CAMK4: variants seen among roughly 807,000 people sequenced by gnomAD.
CAMK4 encodes the protein calcium/calmodulin-dependent protein kinase type IV.
A neutral mutation model predicts 44.9 loss-of-function variants in CAMK4; 22 were observed. That is an observed-to-expected ratio of 0.49 (90% CI 0.35 to 0.70). CAMK4 has a LOEUF of 0.70. Ranked by LOEUF, CAMK4 falls within the 30% of genes least tolerant of loss-of-function variation. CAMK4 has a pLI of 0.01. For synonymous variants in CAMK4, 218 were observed against 215.4 expected (o/e 1.01, Z -0.11); for missense variants, 498 against 586.8 (o/e 0.85, Z 1.56).
At chr5:111,464,617 G>T (rs189122099) in intron 7 of CAMK4, among the ~76,000 whole-genome samples, 221 of 152,262 alleles carry the variant, frequency 1.5e-3, no homozygotes, top group African/African-American at 4.9e-3. Context: ...ATGATTTATA[G>T]TCTAGGGACC....
At chr5:111,328,126 G>A (rs1302317442) in intron 1 of CAMK4, among the ~76,000 whole-genome samples, 1 of 142,714 alleles carries the variant, frequency 7.0e-6, no homozygotes, top group East Asian at 2.0e-4. Context: ...TTTTTTTCTA[G>A]GGTTTTTATG....
intron 1 of CAMK4, among the ~76,000 whole-genome samples, chr5:111,281,842 A>T (rs1020917855): frequency 6.6e-6 from 1 of 151,898 alleles, no homozygotes; most frequent in Non-Finnish European, 1.5e-5. Context: ...GCGGATCACG[A>T]GGTCAGGAGA....
intron 9 of CAMK4, among the ~76,000 whole-genome samples, chr5:111,481,757 G>C (rs116712817): frequency 0.02 from 3,029 of 152,236 alleles, 109 homozygotes; most frequent in African/African-American, 0.068. Flanking sequence ...TGTCTGACCT[G>C]AGGCAAGTCA....
chr5:111,482,676 TTTAGTGGTA>T lies in CAMK4; in HGVS notation c.829-108_829-100del. On this transcript the variant is annotated intron_variant, in intron 9 of 10. Transcript: ENST00000282356. The surrounding 1 kb of genome is among the most constrained non-coding windows in gnomAD (Gnocchi z 4.9). ...TTAAACAATTTTTTTCTCACATATA[TTTAGTGGTA>T]CTGCTGGGAAATGGAATAAGATCTG... The T allele has an allele frequency of 1.1e-6, 1 of 894,192 alleles. No homozygotes were observed. Among genetic ancestry groups the T allele is most frequent in the Non-Finnish European group, 1.7e-6 (1 of 581,508 alleles). The allele number at this position is 894,192 out of a possible 1,614,324, so 55.4% of individuals were successfully genotyped here.
At chr5:111,359,177 C>T (rs912002643) in intron 2 of CAMK4, among the ~76,000 whole-genome samples, 11 of 152,132 alleles carry the variant, frequency 7.2e-5, no homozygotes, top group African/African-American at 2.7e-4. Flanking sequence ...CCAATTTACA[C>T]TCCCACCAAC....
chr5:111,287,650 G>T (rs1418103704), intron 1 of CAMK4, among the ~76,000 whole-genome samples: 1 of 152,086 alleles, frequency 6.6e-6, no homozygotes, highest in Non-Finnish European at 1.5e-5. Context: ...AAAAGTGTTG[G>T]TGGAAGGAAT....
chr5:111,474,978 G>A (rs538527674), intron 8 of CAMK4, among the ~76,000 whole-genome samples: 176 of 152,180 alleles, frequency 1.2e-3, no homozygotes, highest in Non-Finnish European at 2.1e-3. Flanking sequence ...CCTGGCTAAC[G>A]TGGTGAAACC....
chr5:111,236,173 C>T (rs1748710084), intron 1 of CAMK4, among the ~76,000 whole-genome samples: 2 of 152,184 alleles, frequency 1.3e-5, no homozygotes, highest in African/African-American at 4.8e-5. Context: ...ATATTATTCC[C>T]CACACAGGCC....
At chr5:111,409,447 C>G (rs779388292) in intron 5 of CAMK4, among the ~76,000 whole-genome samples, 1 of 152,208 alleles carries the variant, frequency 6.6e-6, no homozygotes, top group Non-Finnish European at 1.5e-5. Flanking sequence ...CAGGGGAGCC[C>G]TGGGTCAGGC....
At chr5:111,446,337 G>C (rs1434650668) in intron 5 of CAMK4, among the ~76,000 whole-genome samples, 1 of 152,134 alleles carries the variant, frequency 6.6e-6, no homozygotes, top group Non-Finnish European at 1.5e-5. Flanking sequence ...TAATAAGCCA[G>C]ACAAATTTCA....
At chr5:111,251,904 T>TA (rs1489526038) in intron 1 of CAMK4, among the ~76,000 whole-genome samples, 1 of 151,236 alleles carries the variant, frequency 6.6e-6, no homozygotes, top group Non-Finnish European at 1.5e-5. Context: ...CTTTTTTTTT[T>TA]AACCAGTGTT....
chr5:111,327,528 A>G, intron 1 of CAMK4, among the ~76,000 whole-genome samples: 1 of 152,122 alleles, frequency 6.6e-6, no homozygotes, highest in Non-Finnish European at 1.5e-5. Flanking sequence ...ATACCCAGTA[A>G]TGGGATGGCT....
At chr5:111,369,074 T>A (rs1412275187) in intron 2 of CAMK4, among the ~76,000 whole-genome samples, 2 of 149,948 alleles carry the variant, frequency 1.3e-5, no homozygotes, top group African/African-American at 4.9e-5. Context: ...TAATTATTAT[T>A]ATTATTATTG....
rs1749772969 is a variant in CAMK4 at position 111,344,233 on chromosome 5, G to C, written c.240+131G>C. 9 of 534,014 alleles carry C rather than the reference G, an allele frequency of 1.7e-5. No homozygotes were observed. In the South Asian group the frequency reaches 2.1e-4, roughly 13 times the overall value. 33.1% of individuals were successfully genotyped at this position (534,014 alleles called of 1,614,324 possible). ...TAACCCATTTGACTCTTGATTACGG[G>C]AGTGCAACCCAAATAGGTTGTTGTC... On this transcript the variant is annotated intron_variant, in intron 2 of 10. Transcript: ENST00000282356.
At position 111,313,350 on chromosome 5, in the gene CAMK4, TG is replaced by T. The variant is rs542884237; in HGVS notation, c.162-30673del. The stretch of plus-strand genomic sequence containing the variant: ...CAGTTAACAGAATTAAAACTTGAGA[TG>T]TTTTTTCCCTCTATTGAACGGTCTG... On this transcript the variant is annotated intron_variant, in intron 1 of 10. Transcript: ENST00000282356. Among the ~76,000 whole-genome samples, 10 of 152,304 alleles carry T rather than the reference TG, an allele frequency of 6.6e-5. No homozygotes were observed. The East Asian group carries it at 1.9e-3, about 29-fold the overall frequency.
At chr5:111,421,239 T>C (rs899867293) in intron 5 of CAMK4, among the ~76,000 whole-genome samples, 12 of 152,214 alleles carry the variant, frequency 7.9e-5, no homozygotes, top group African/African-American at 2.7e-4. Flanking sequence ...CCCTATGTCA[T>C]AGCCTATGTA....
At chr5:111,285,558 G>A (rs1255718171) in intron 1 of CAMK4, among the ~76,000 whole-genome samples, 1 of 152,192 alleles carries the variant, frequency 6.6e-6, no homozygotes, top group Non-Finnish European at 1.5e-5. Context: ...AAGCATGGCT[G>A]CAATGGATGT....
At chr5:111,375,038 C>G in intron 3 of CAMK4, 126 bp downstream of exon 3, 1 of 658,872 alleles carries the variant, frequency 1.5e-6, no homozygotes, top group Non-Finnish European at 2.7e-6. Context: ...TATGTGCTAG[C>G]TCTTGTCCTC....
chr5:111,414,194 C>T (rs1320732107), intron 5 of CAMK4, among the ~76,000 whole-genome samples: 1 of 152,104 alleles, frequency 6.6e-6, no homozygotes, highest in Non-Finnish European at 1.5e-5. Flanking sequence ...GAATTGTCTC[C>T]CCTGAAAACC....
Sources: gnomAD v4.1 joint callset for allele counts (sites outside exome capture counted in the v4.1 genomes callset) on GRCh38, gnomAD v4.1.1 for gene constraint, Gnocchi (gnomAD v3.1) non-coding constraint, MANE v1.5 for transcripts, NCBI Gene and HGNC (gene_info 2026-07-23, HGNC 2026-07-21) for gene names.